MALRD1: variants seen among roughly 807,000 people sequenced by gnomAD.
The protein encoded by MALRD1 is MAM and LDL receptor class A domain containing 1, also known as MAM and LDL-receptor class A domain-containing protein 1.
A neutral mutation model predicts 242.1 loss-of-function variants in MALRD1; 247 were observed. The observed-to-expected ratio is 1.02, with a 90% confidence interval of 0.92 to 1.13. MALRD1 has a LOEUF of 1.13. Ranked by LOEUF, MALRD1 falls within the 50% of genes most tolerant of loss-of-function variation. The pLI is 0.00. For missense variants in MALRD1, 2,989 were observed against 2,533.1 expected, an observed-to-expected ratio of 1.18 and a Z score of -3.86; for synonymous variants, 995 against 866.6, an observed-to-expected ratio of 1.15 and a Z score of -2.60.
chr10:19,208,583 G>A (rs1210625616), intron 17 of MALRD1, among the ~76,000 whole-genome samples: 32 of 152,172 alleles, frequency 2.1e-4, no homozygotes, highest in Admixed American at 2.0e-3. Context: ...CCAAAGACAA[G>A]AGATTTTGGG....
At chr10:19,169,584 C>A (rs1049361287) in intron 13 of MALRD1, among the ~76,000 whole-genome samples, 76 of 151,874 alleles carry the variant, frequency 5.0e-4, no homozygotes, top group African/African-American at 1.8e-3. Context: ...ATTTCTTATC[C>A]TCTGCAGAAA....
In MALRD1 at chr10:19,725,629, G is replaced by T. The variant is rs936997283; in HGVS notation, c.6315-5077G>T. Among the ~76,000 whole-genome samples, 4 of 152,064 alleles carry T rather than the reference G, an allele frequency of 2.6e-5. No individual in the cohort carries two copies. In the East Asian group the frequency reaches 7.7e-4, roughly 29 times the overall value. ...CTTCTCAAATTTATAAATTGCAAGG[G>T]TACCAAATAGCCAAAACAATGTTGG... On this transcript the variant is annotated intron_variant, in intron 38 of 39. Transcript: ENST00000454679.
chr10:19,340,191 T>C (rs1298684256), intron 24 of MALRD1, among the ~76,000 whole-genome samples: 1 of 152,164 alleles, frequency 6.6e-6, no homozygotes, highest in Non-Finnish European at 1.5e-5. Flanking sequence ...GATGTTTTGA[T>C]ACAGACATGC....
rs1588549427 is a variant in MALRD1 at position 19,104,116 on chromosome 10, A to C, written c.694+41A>C. ...CTCATTTTGATCTTTACTGTGTTTAAAGATTTCAGTGCAATTTAAACATTG... is the reference window on the plus strand; with the variant it reads ...CTCATTTTGATCTTTACTGTGTTTACAGATTTCAGTGCAATTTAAACATTG... On this transcript the variant is annotated intron_variant, in intron 5 of 39. Transcript: ENST00000454679. 3 of 1,077,404 alleles carry C rather than the reference A, an allele frequency of 2.8e-6. No homozygotes were observed. In the African/African-American group the frequency reaches 4.9e-5, roughly 18 times the overall value. 66.7% of individuals were successfully genotyped at this position (1,077,404 alleles called of 1,614,324 possible).
At chr10:19,466,445 C>T (rs1564366534) in intron 29 of MALRD1, among the ~76,000 whole-genome samples, 1 of 152,048 alleles carries the variant, frequency 6.6e-6, no homozygotes, top group Non-Finnish European at 1.5e-5. Flanking sequence ...CATTTTATTG[C>T]CTATTTTAGT....
At chr10:19,203,645 G>A in intron 14 of MALRD1, 83 bp from the exon 15 acceptor site, 1 of 1,344,418 alleles carries the variant, frequency 7.4e-7, no homozygotes, top group East Asian at 2.5e-5. Flanking sequence ...GCATAATAAG[G>A]TGAATTCTAT....
At chr10:19,456,291 T>C (rs2131071913) in intron 29 of MALRD1, among the ~76,000 whole-genome samples, 1 of 152,326 alleles carries the variant, frequency 6.6e-6, no homozygotes, top group East Asian at 1.9e-4. Flanking sequence ...TCTTAGGTGT[T>C]GTCTTCAAAG....
At chr10:19,547,993 CTT>C (rs765509925) in intron 32 of MALRD1, among the ~76,000 whole-genome samples, 13 of 65,780 alleles carry the variant, frequency 2.0e-4, no homozygotes, top group African/African-American at 9.1e-4. Context: ...TATCACTATA[CTT>C]TTTTTTTTTT....
intron 32 of MALRD1, among the ~76,000 whole-genome samples, chr10:19,545,202 G>A (rs1835157195): frequency 6.6e-6 from 1 of 151,982 alleles, no homozygotes; most frequent in Non-Finnish European, 1.5e-5. Context: ...CATTTTATAA[G>A]GGCATCATTC....
At chr10:19,440,173 T>G (rs937371482) in intron 28 of MALRD1, among the ~76,000 whole-genome samples, 4 of 152,250 alleles carry the variant, frequency 2.6e-5, no homozygotes, top group African/African-American at 9.6e-5. Flanking sequence ...TTCTGTCATT[T>G]TCGCATTGAC....
chr10:19,563,725 G>A (rs1836115639), intron 32 of MALRD1, among the ~76,000 whole-genome samples: 1 of 152,150 alleles, frequency 6.6e-6, no homozygotes, highest in African/African-American at 2.4e-5. Flanking sequence ...GTCTTTCAAG[G>A]CCTTATCTGG....
intron 21 of MALRD1, among the ~76,000 whole-genome samples, chr10:19,316,269 G>A (rs774380843): frequency 2.6e-5 from 4 of 151,746 alleles, no homozygotes; most frequent in Non-Finnish European, 4.4e-5. Context: ...CAGTAAAGAT[G>A]TAGTGAACAT....
At chr10:19,327,884 G>A (rs943710589) in intron 23 of MALRD1, among the ~76,000 whole-genome samples, 1 of 152,012 alleles carries the variant, frequency 6.6e-6, no homozygotes, top group East Asian at 1.9e-4. Context: ...GTAGATATTC[G>A]TACCTCTAGG....
intron 28 of MALRD1, among the ~76,000 whole-genome samples, chr10:19,427,702 G>A (rs1833955358): frequency 1.3e-5 from 2 of 151,946 alleles, no homozygotes; most frequent in African/African-American, 2.4e-5. Context: ...GGTTATTATT[G>A]GCGTTATATA....
intron 14 of MALRD1, among the ~76,000 whole-genome samples, chr10:19,198,798 ATT>A (rs1448097730): frequency 6.6e-6 from 1 of 152,192 alleles, no homozygotes; most frequent in Non-Finnish European, 1.5e-5. Context: ...AATTATTTCT[ATT>A]CATTTATATA....
intron 8 of MALRD1, among the ~76,000 whole-genome samples, chr10:19,130,872 A>G (rs2131398653): frequency 6.6e-6 from 1 of 152,300 alleles, no homozygotes; most frequent in African/African-American, 2.4e-5. Context: ...AAATGACGTT[A>G]GATACCACAC....
At chr10:19,431,136 A>G (rs780442883) in intron 28 of MALRD1, among the ~76,000 whole-genome samples, 4 of 151,972 alleles carry the variant, frequency 2.6e-5, no homozygotes, top group Non-Finnish European at 5.9e-5. Flanking sequence ...TATATTAGCT[A>G]TTTTTCCTAA....
chr10:19,073,744 T>C (rs534299576), intron 2 of MALRD1, among the ~76,000 whole-genome samples: 15 of 152,236 alleles, frequency 9.9e-5, no homozygotes, highest in African/African-American at 3.4e-4. Context: ...AGGTAAGAGA[T>C]ACTGAACCTG....
intron 38 of MALRD1, among the ~76,000 whole-genome samples, chr10:19,719,292 G>A (rs1015475149): frequency 7.4e-6 from 1 of 135,562 alleles, no homozygotes; most frequent in African/African-American, 2.8e-5. Context: ...GGACTTTCCT[G>A]CTAGGCATCT....
Sources: allele counts gnomAD v4.1 joint callset (sites outside exome capture counted in the v4.1 genomes callset), GRCh38; gene constraint gnomAD v4.1.1; transcripts MANE v1.5; gene names NCBI Gene and HGNC (gene_info 2026-07-23, HGNC 2026-07-21).